Variants in TBX18 observed in about 807,000 individuals in gnomAD.
TBX18 encodes T-box transcription factor TBX18.
A neutral mutation model predicts 55.0 loss-of-function variants in TBX18; 21 were observed. The ratio of observed to expected loss-of-function variants is 0.38; its 90% CI spans 0.27 to 0.55. TBX18 has a LOEUF of 0.55. TBX18 is among the 20% of genes least tolerant of loss of function. The pLI, the probability that TBX18 is intolerant of heterozygous loss-of-function variation, is 0.73. For missense variants in TBX18, 840 were observed against 799.6 expected (o/e 1.05, Z -0.61); for synonymous variants, 342 against 326.1 (o/e 1.05, Z -0.53).
At chr6:84,763,868 A>T in intron 1 of TBX18, 22 bp downstream of exon 1, 1 of 1,475,556 alleles carries the variant, frequency 6.8e-7, no homozygotes. Flanking sequence ...GAGAAGTTAT[A>T]GGCAGGAAGG....
At chr6:84,741,100 A>G (rs1767035761) in intron 6 of TBX18, 1 of 152,208 alleles carries the variant, frequency 6.6e-6, no homozygotes, top group African/African-American at 2.4e-5. Flanking sequence ...AGTTCCAGAA[A>G]GGATTTTAGA....
intron 5 of TBX18, among the ~76,000 whole-genome samples, chr6:84,745,890 A>G (rs1469515768): frequency 2.0e-5 from 3 of 152,180 alleles, no homozygotes; most frequent in Admixed American, 6.5e-5. Flanking sequence ...TACTAGAGCA[A>G]CTTATGTATA....
intron 2 of TBX18, among the ~76,000 whole-genome samples, chr6:84,761,196 A>AAC (rs1199459943): frequency 7.2e-4 from 110 of 152,332 alleles, no homozygotes; most frequent in Non-Finnish European, 7.4e-5. Context: ...TTTAAATATC[A>AAC]TTTAATGACT....
chr6:84,745,067 T>C (rs1767146994), intron 5 of TBX18, among the ~76,000 whole-genome samples: 1 of 152,148 alleles, frequency 6.6e-6, no homozygotes, highest in South Asian at 2.1e-4. Flanking sequence ...TTGTGTTATA[T>C]GGAGGTACAC....
chr6:84,760,316 C>G lies in TBX18; in HGVS notation c.538G>C (p.Asp180His). The change falls in exon 3 of 8, where the codon GAT becomes CAT. Residue 180 changes from aspartate to histidine, a missense_variant. By Grantham distance (81) the Asp-to-His change is moderately conservative (BLOSUM62 -1). Coordinates refer to ENST00000369663, the MANE Select transcript of TBX18 (RefSeq NM_001080508.3). Reference protein sequence around the residue: ...PAMRVKISGLDPHQQYYIAMD... With the variant: ...PAMRVKISGLHPHQQYYIAMD... ...GCAATGTAATATTGCTGGTGAGGAT[C>G]TAATCCAGAGATCTTCACTCTCATT... 6.2e-7 allele frequency: 1 copy of G among 1,607,160 alleles called. No individual in the cohort carries two copies.
chr6:84,737,249 A>C lies in TBX18; in HGVS notation c.1260T>G (p.Cys420Trp). 1 of 1,609,248 alleles carries C rather than the reference A, an allele frequency of 6.2e-7. No individual in the cohort carries two copies. Among genetic ancestry groups the C allele is most frequent in the Non-Finnish European group, 8.5e-7 (1 of 1,177,328 alleles). ...GGTTGAGGGTGAGGCCTGAGCGGGC[A>C]CAGGCAGAATAGTCAGCAGGGGCCA... ...CSLAPADYSACARSGLTLNRY... is the reference protein window; with the variant it reads ...CSLAPADYSAWARSGLTLNRY... Residue 420 changes from cysteine to tryptophan, a missense_variant, in exon 8 of 8, where the codon TGT (cysteine) becomes TGG (tryptophan). Transcript: ENST00000369663.
At chr6:84,757,578 A>T (rs1479097963) in intron 3 of TBX18, among the ~76,000 whole-genome samples, 1 of 152,098 alleles carries the variant, frequency 6.6e-6, no homozygotes, top group Non-Finnish European at 1.5e-5. Context: ...TTTTTCAAAT[A>T]TTGCTAACCA....
At chr6:84,748,262 G>A (rs1385927057) in intron 4 of TBX18, among the ~76,000 whole-genome samples, 175 bp from the exon 5 acceptor site, 1 of 152,176 alleles carries the variant, frequency 6.6e-6, no homozygotes, top group Non-Finnish European at 1.5e-5. Flanking sequence ...GAAGTTGTTT[G>A]TAAAATGTAC....
chr6:84,747,278 T>C (rs1235569578), intron 5 of TBX18, among the ~76,000 whole-genome samples: 1 of 152,130 alleles, frequency 6.6e-6, no homozygotes, highest in African/African-American at 2.4e-5. Flanking sequence ...GGATTACATA[T>C]TGCCTCTGAT....
At chr6:84,762,801 C>G (rs1464383977) in intron 1 of TBX18, 53 bp from the exon 2 acceptor site, 1 of 1,539,438 alleles carries the variant, frequency 6.5e-7, no homozygotes, top group Middle Eastern at 2.3e-4. Flanking sequence ...AGAGGGGAAG[C>G]CAGCCGCGGA....
intron 4 of TBX18, among the ~76,000 whole-genome samples, chr6:84,753,955 TC>T: frequency 1.3e-5 from 2 of 152,146 alleles, no homozygotes; most frequent in Middle Eastern, 6.8e-3. Flanking sequence ...TGAAGCAGAG[TC>T]TCACTCTGTC....
chr6:84,740,313 A>G (rs1164791871), intron 6 of TBX18, among the ~76,000 whole-genome samples: 2 of 152,114 alleles, frequency 1.3e-5, no homozygotes, highest in South Asian at 4.2e-4. Context: ...TGGCACTGCA[A>G]CTCACTAAAA....
At chr6:84,752,665 C>A in intron 4 of TBX18, among the ~76,000 whole-genome samples, 1 of 152,158 alleles carries the variant, frequency 6.6e-6, no homozygotes, top group East Asian at 1.9e-4. Context: ...TGTGTCATAC[C>A]TCTAAGTAAT....
intron 6 of TBX18, chr6:84,742,457 AT>A (rs1160783829): frequency 6.6e-6 from 1 of 152,128 alleles, no homozygotes; most frequent in Non-Finnish European, 1.5e-5. Flanking sequence ...ATCCAAATGT[AT>A]TTTCATTATG....
chr6:84,733,555 T>C lies in TBX18; in HGVS notation c.*3130A>G, dbSNP rs887760479. 1.3e-5 allele frequency: 2 copies of C among 152,174 alleles called. No individual in the cohort carries two copies. The highest frequency in any genetic ancestry group is 2.9e-5 in the Non-Finnish European group (2 of 68,042). 9.4% of individuals were successfully genotyped at this position (152,174 alleles called of 1,614,324 possible). ...TCTACCAAGGTTCCTGAAAGAAGTTTATGAAATGATTATTTTTAATGCTCT... is the reference window on the plus strand; with the variant it reads ...TCTACCAAGGTTCCTGAAAGAAGTTCATGAAATGATTATTTTTAATGCTCT... On this transcript the variant is annotated 3_prime_UTR_variant, in exon 8 of 8. Coordinates refer to ENST00000369663, the MANE Select transcript of TBX18 (RefSeq NM_001080508.3).
intron 2 of TBX18, among the ~76,000 whole-genome samples, chr6:84,761,926 G>A (rs1767657715): frequency 6.6e-6 from 1 of 152,078 alleles, no homozygotes; most frequent in African/African-American, 2.4e-5. Context: ...TCTATAAACA[G>A]GATGCTTTTT....
intron 4 of TBX18, among the ~76,000 whole-genome samples, chr6:84,754,117 G>A (rs1225717697): frequency 1.3e-5 from 2 of 152,012 alleles, no homozygotes; most frequent in Non-Finnish European, 2.9e-5. Flanking sequence ...CAGTTGAGAT[G>A]GGGTTTCATC....
In TBX18 at chr6:84,744,338, A is replaced by G; in HGVS notation, c.940-13T>C. On this transcript the variant is annotated splice_polypyrimidine_tract_variant and intron_variant, in intron 5 of 7. Transcript: ENST00000369663. ...TCAGGCGAGTAATCTGCAGAGTAGG[A>G]AAAAAAAATATCAAATCTTATATAA... is the stretch of plus-strand genomic sequence containing the variant. The G allele has an allele frequency of 6.4e-7, 1 of 1,573,772 alleles. No homozygotes were observed. The highest frequency in any genetic ancestry group is 8.7e-7 in the Non-Finnish European group (1 of 1,153,752).
intron 4 of TBX18, among the ~76,000 whole-genome samples, chr6:84,752,938 A>C (rs1767388673): frequency 6.6e-6 from 1 of 152,178 alleles, no homozygotes; most frequent in Admixed American, 6.5e-5. Context: ...TTTTTAATAA[A>C]AATGGTCAAC....
Sources: gnomAD v4.1 joint callset for allele counts (sites outside exome capture counted in the v4.1 genomes callset) on GRCh38, gnomAD v4.1.1 for gene constraint, MANE v1.5 for transcripts, NCBI Gene and HGNC (gene_info 2026-07-23, HGNC 2026-07-21) for gene names.